The following SLC35F3 variants were observed in gnomAD, a reference collection of about 807,000 sequenced individuals.
SLC35F3 encodes the protein solute carrier family 35 member F3, also known as putative thiamine transporter SLC35F3.
In SLC35F3, 25 loss-of-function variants were observed where a neutral mutation model predicts 49.9. The observed-to-expected ratio is 0.50, with a 90% CI of 0.37 to 0.70. The LOEUF (loss-of-function observed/expected upper bound fraction) is 0.70. Among genes scored for constraint, SLC35F3 ranks in the 30% least tolerant of loss-of-function variants. The pLI is 0.00. For missense variants in SLC35F3, 525 were observed against 639.8 expected (o/e 0.82, Z 1.94); for synonymous variants, 275 against 265.4 (o/e 1.04, Z -0.35).
intron 3 of SLC35F3, among the ~76,000 whole-genome samples, chr1:234,289,957 T>C (rs1668481015): frequency 6.6e-6 from 1 of 152,212 alleles, no homozygotes; most frequent in Non-Finnish European, 1.5e-5. Context: ...ATTAATAGTA[T>C]GTTTAAAGTT....
chr1:234,251,685 G>C (rs559233564), intron 3 of SLC35F3, among the ~76,000 whole-genome samples: 1 of 152,220 alleles, frequency 6.6e-6, no homozygotes, highest in East Asian at 1.9e-4. Context: ...TGGAAAAGAA[G>C]AGCAATAGGG....
At chr1:234,230,427 A>G (rs1235236253) in intron 2 of SLC35F3, among the ~76,000 whole-genome samples, 1 of 152,236 alleles carries the variant, frequency 6.6e-6, no homozygotes, top group African/African-American at 2.4e-5. Flanking sequence ...GCCTCTTAGC[A>G]CTAATGTGCC....
intron 2 of SLC35F3, among the ~76,000 whole-genome samples, chr1:234,202,811 C>T (rs1666918447): frequency 6.6e-6 from 1 of 152,220 alleles, no homozygotes; most frequent in Non-Finnish European, 1.5e-5. Context: ...CTTATGTCAG[C>T]TGAAATGAAG....
At chr1:234,140,604 A>T (rs7554317) in intron 2 of SLC35F3, among the ~76,000 whole-genome samples, 114,465 of 151,556 alleles carry the variant, frequency 0.76, 43,746 homozygotes, top group African/African-American at 0.89. Flanking sequence ...CTCCCCATTC[A>T]ATCTAGACGC....
chr1:234,277,728 A>G (rs1668234843), intron 3 of SLC35F3, among the ~76,000 whole-genome samples: 1 of 152,236 alleles, frequency 6.6e-6, no homozygotes, highest in Admixed American at 6.5e-5. Flanking sequence ...TAGAAATGGT[A>G]TGCCTGCAAG....
At chr1:234,299,804 C>CAAA (rs36039526) in intron 3 of SLC35F3, among the ~76,000 whole-genome samples, 1,241 of 83,320 alleles carry the variant, frequency 0.015, 31 homozygotes, top group African/African-American at 0.017. Context: ...GACTCCATCT[C>CAAA]AAAAAAAAAA....
At chr1:233,938,693 GATGGATGA>G (rs1276107687) in intron 2 of SLC35F3, among the ~76,000 whole-genome samples, 1 of 150,424 alleles carries the variant, frequency 6.6e-6, no homozygotes, top group African/African-American at 2.5e-5. Flanking sequence ...TGGATGGATG[GATGGATGA>G]ATGGATGGAT....
intron 2 of SLC35F3, among the ~76,000 whole-genome samples, chr1:234,100,381 C>T (rs367722869): frequency 7.9e-5 from 12 of 152,330 alleles, no homozygotes; most frequent in East Asian, 7.7e-4. Flanking sequence ...CCTATATCGA[C>T]GTCTTTTAAT....
chr1:234,153,975 A>AT (rs1226142552), intron 2 of SLC35F3, among the ~76,000 whole-genome samples: 2 of 152,010 alleles, frequency 1.3e-5, no homozygotes, highest in African/African-American at 4.8e-5. Flanking sequence ...AGGCAGGAGA[A>AT]GGCGTGAACC....
At chr1:234,210,887 C>T (rs543330363) in intron 2 of SLC35F3, among the ~76,000 whole-genome samples, 13 of 152,318 alleles carry the variant, frequency 8.5e-5, no homozygotes, top group Non-Finnish European at 1.2e-4. Context: ...GGGAAAATGT[C>T]TCTGGGACGT....
At position 234,186,705 on chromosome 1, in the gene SLC35F3, C is replaced by T. The variant is rs117254371; in HGVS notation, c.284-44712C>T. Among the ~76,000 whole-genome samples, 982 of 152,320 alleles carry T rather than the reference C, an allele frequency of 6.4e-3. 8 individuals are homozygous for T. The highest frequency in any genetic ancestry group is 0.04 in the South Asian group (191 of 4,830). On this transcript the variant is annotated intron_variant, in intron 2 of 7. Transcript: ENST00000366618. ...ATCTTAATAATTATTTTAAATAACA[C>T]TGGTAGTTGTAGGGACTCCGTAAAG...
chr1:234,061,389 TTCTC>T (rs1274151248), intron 2 of SLC35F3, among the ~76,000 whole-genome samples: 1 of 152,168 alleles, frequency 6.6e-6, no homozygotes, highest in South Asian at 2.1e-4. Flanking sequence ...TTTCAAAACT[TTCTC>T]TGTCTTAAGA....
chr1:234,024,851 A>G (rs1424745122), intron 2 of SLC35F3, among the ~76,000 whole-genome samples: 2 of 152,162 alleles, frequency 1.3e-5, no homozygotes, highest in Non-Finnish European at 2.9e-5. Flanking sequence ...TTGGGGTTAC[A>G]TGTGCAGGTT....
intron 2 of SLC35F3, among the ~76,000 whole-genome samples, chr1:234,055,367 T>A (rs1664442229): frequency 6.6e-6 from 1 of 152,090 alleles, no homozygotes; most frequent in African/African-American, 2.4e-5. Flanking sequence ...CGGACACCCC[T>A]CTCCCAGACT....
At chr1:234,160,117 C>T (rs1363410792) in intron 2 of SLC35F3, among the ~76,000 whole-genome samples, 1 of 152,218 alleles carries the variant, frequency 6.6e-6, no homozygotes, top group Non-Finnish European at 1.5e-5. Context: ...AGGGCCCAGC[C>T]TCACACCATA....
intron 2 of SLC35F3, among the ~76,000 whole-genome samples, chr1:233,942,724 T>A (rs1662449064): frequency 6.6e-6 from 1 of 152,222 alleles, no homozygotes; most frequent in Non-Finnish European, 1.5e-5. Context: ...ACATCTACCC[T>A]TTTAACAAAT....
intron 2 of SLC35F3, among the ~76,000 whole-genome samples, chr1:233,959,729 G>T (rs1281501890): frequency 1.3e-5 from 2 of 152,296 alleles, no homozygotes; most frequent in Non-Finnish European, 1.5e-5. Context: ...ACCCAAGAAG[G>T]TTAAGTGCCT....
At chr1:234,247,073 A>G (rs1158452323) in intron 3 of SLC35F3, among the ~76,000 whole-genome samples, 1 of 152,224 alleles carries the variant, frequency 6.6e-6, no homozygotes, top group Non-Finnish European at 1.5e-5. Context: ...CAAGGTGTGA[A>G]ACCAAACAGG....
intron 2 of SLC35F3, among the ~76,000 whole-genome samples, chr1:234,226,339 A>G (rs1667285219): frequency 6.6e-6 from 1 of 151,774 alleles, no homozygotes; most frequent in Admixed American, 6.6e-5. Context: ...TGGGTCCCTT[A>G]CCCTAAAGAA....
Sources: gnomAD v4.1 joint callset for allele counts (sites outside exome capture counted in the v4.1 genomes callset) on GRCh38, gnomAD v4.1.1 for gene constraint, MANE v1.5 for transcripts, NCBI Gene and HGNC (gene_info 2026-07-23, HGNC 2026-07-21) for gene names.